Variants in GRIA1 observed in about 807,000 individuals in gnomAD.
GRIA1 encodes the protein glutamate ionotropic receptor AMPA type subunit 1.
GRIA1 carries 31 observed loss-of-function variants against 99.2 expected under a neutral mutation model. That is an observed-to-expected ratio of 0.31 (90% CI 0.23 to 0.42). The LOEUF (loss-of-function observed/expected upper bound fraction) is 0.42. Among genes scored for constraint, GRIA1 ranks in the 10% least tolerant of loss-of-function variants. The pLI is 1.00. For missense variants in GRIA1, 782 were observed against 1,157.5 expected (o/e 0.68, Z 4.71); for synonymous variants, 438 against 432.4 (o/e 1.01, Z -0.16).
rs185547161 is a variant in GRIA1, at chr5:153,491,847, A to G, written c.82+877A>G. Among the ~76,000 whole-genome samples, 12 of 152,132 alleles carry G rather than the reference A, an allele frequency of 7.9e-5. No individual in the cohort carries two copies. In the East Asian group the frequency reaches 2.3e-3, roughly 29 times the overall value. ...CCCATTTCCCCTTCTTAGTTGTTAC[A>G]CTTCTCAAAGGCCCCGCCACCCTCC... On this transcript the variant is annotated intron_variant, in intron 1 of 15. Coordinates refer to ENST00000285900, the MANE Select transcript of GRIA1 (RefSeq NM_000827.4).
chr5:153,644,706 G>C (rs1754011466), intron 2 of GRIA1, among the ~76,000 whole-genome samples: 1 of 152,014 alleles, frequency 6.6e-6, no homozygotes, highest in South Asian at 2.1e-4. Flanking sequence ...CTATTTAGAA[G>C]AGGTGATGAA....
chr5:153,790,554 C>T (rs1186583127), intron 13 of GRIA1, among the ~76,000 whole-genome samples: 1 of 152,100 alleles, frequency 6.6e-6, no homozygotes, highest in Non-Finnish European at 1.5e-5. Flanking sequence ...ACTGCTTGCC[C>T]AAGACAAAGT....
At chr5:153,757,275 G>A (rs1762892495) in intron 11 of GRIA1, among the ~76,000 whole-genome samples, 1 of 152,036 alleles carries the variant, frequency 6.6e-6, no homozygotes, top group African/African-American at 2.4e-5. Flanking sequence ...GAATGAAATA[G>A]AACAAAGAAA....
chr5:153,491,449 GAGA>G (rs1477174236), intron 1 of GRIA1: 2 of 320,844 alleles, frequency 6.2e-6, no homozygotes, highest in African/African-American at 2.3e-5. Context: ...AGAGACCCTC[GAGA>G]AGAAGGAGTG....
At chr5:153,573,246 G>A (rs941330847) in intron 2 of GRIA1, 1 of 152,182 alleles carries the variant, frequency 6.6e-6, no homozygotes, top group Non-Finnish European at 1.5e-5. Flanking sequence ...TGTTGGGCTA[G>A]GGGCCTGCCT....
intron 5 of GRIA1, among the ~76,000 whole-genome samples, chr5:153,666,449 C>T (rs907238246): frequency 1.3e-5 from 2 of 152,156 alleles, no homozygotes; most frequent in African/African-American, 4.8e-5. Context: ...CTCATGGAAG[C>T]CTGATACTTC....
intron 15 of GRIA1, among the ~76,000 whole-genome samples, chr5:153,805,048 G>A (rs115323665): frequency 5.9e-5 from 9 of 152,266 alleles, no homozygotes; most frequent in East Asian, 1.9e-4. Flanking sequence ...CACCACACCA[G>A]GCCTCTGATC....
chr5:153,589,050 C>T (rs535722120), intron 2 of GRIA1, among the ~76,000 whole-genome samples: 9 of 151,946 alleles, frequency 5.9e-5, no homozygotes, highest in East Asian at 1.9e-4. Flanking sequence ...AAAAGAGAAA[C>T]GAATCAAAAT....
intron 11 of GRIA1, among the ~76,000 whole-genome samples, chr5:153,723,169 T>C (rs11959680): frequency 6.6e-6 from 1 of 152,220 alleles, no homozygotes; most frequent in East Asian, 1.9e-4. Context: ...CAAAACATGG[T>C]TGCTTTTATT....
In GRIA1 at chr5:153,694,356, G is replaced by T. The variant is rs149842450; in HGVS notation, c.1135-3688G>T. Among the ~76,000 whole-genome samples, 1,138 of 152,124 alleles carry T rather than the reference G, an allele frequency of 7.5e-3. 20 individuals carry two copies. The highest frequency in any genetic ancestry group is 0.026 in the African/African-American group (1,079 of 41,496). ...CCCTGAACATTCTATACATAAAGAA[G>T]GGTTATATTGTCAAGTGAATTTCAA... On this transcript the variant is annotated intron_variant, in intron 8 of 15. Transcript: ENST00000285900.
At chr5:153,657,930 A>C (rs982436518) in intron 5 of GRIA1, among the ~76,000 whole-genome samples, 1 of 152,170 alleles carries the variant, frequency 6.6e-6, no homozygotes, top group Non-Finnish European at 1.5e-5. Context: ...CAAAAATGGA[A>C]TTTTTGACTT....
chr5:153,712,666 T>C (rs941588773), intron 11 of GRIA1, among the ~76,000 whole-genome samples: 6 of 145,710 alleles, frequency 4.1e-5, no homozygotes, highest in African/African-American at 1.3e-4. Flanking sequence ...AGCCTGAAAT[T>C]GTCAAACATT....
At position 153,677,167 on chromosome 5, in the gene GRIA1, A is replaced by C; in HGVS notation, c.1029+6A>C. The C allele has an allele frequency of 6.9e-7, 1 of 1,453,478 alleles. No homozygotes were observed. The highest frequency in any genetic ancestry group is 9.2e-7 in the Non-Finnish European group (1 of 1,088,980). 90.0% of individuals were successfully genotyped at this position (1,453,478 alleles called of 1,614,324 possible). Reference sequence around the variant, plus strand: ...TCCAGAGAGCTCTGCAGCAGGTAAGACCACCAATGTTTGCCCCATCTCATA... The same window carrying C: ...TCCAGAGAGCTCTGCAGCAGGTAAGCCCACCAATGTTTGCCCCATCTCATA... On this transcript the variant is annotated splice_donor_region_variant and intron_variant, in intron 7 of 15. Transcript: ENST00000285900.
In GRIA1 at chr5:153,733,908, G is replaced by A. The variant is rs573781856; in HGVS notation, c.1823+27841G>A. Among the ~76,000 whole-genome samples the A allele has an allele frequency of 2.6e-5, 4 of 152,202 alleles. No individual in the cohort carries two copies. The East Asian group carries it at 5.8e-4, about 22-fold the overall frequency. ...AGGAAGAAATAGCAATATAACAATA[G>A]CAGAGAACTTCAAGACCCCACTTTC... On this transcript the variant is annotated intron_variant, in intron 11 of 15. Coordinates refer to ENST00000285900, the MANE Select transcript of GRIA1 (RefSeq NM_000827.4).
chr5:153,770,468 G>C (rs941692773), intron 13 of GRIA1, 53 bp downstream of exon 13: 24 of 1,552,100 alleles, frequency 1.5e-5, no homozygotes, highest in Non-Finnish European at 2.0e-5. Context: ...CCCTATCTCA[G>C]GAATGAAGCT....
chr5:153,549,562 A>G (rs1759937764), intron 2 of GRIA1, among the ~76,000 whole-genome samples: 1 of 152,180 alleles, frequency 6.6e-6, no homozygotes, highest in Admixed American at 6.5e-5. Context: ...TGAGATCAGA[A>G]AGTAAAATTC....
intron 2 of GRIA1, among the ~76,000 whole-genome samples, chr5:153,510,704 C>T (rs1755984492): frequency 1.3e-5 from 2 of 152,074 alleles, no homozygotes; most frequent in South Asian, 4.2e-4. Flanking sequence ...TGTTGATATT[C>T]CAAAGGTCTT....
intron 11 of GRIA1, among the ~76,000 whole-genome samples, chr5:153,710,703 C>T (rs1391069856): frequency 2.0e-5 from 3 of 152,148 alleles, no homozygotes; most frequent in Non-Finnish European, 2.9e-5. Flanking sequence ...CTACGACATG[C>T]AGGGTATGGT....
At chr5:153,619,557 A>G (rs1048893599) in intron 2 of GRIA1, among the ~76,000 whole-genome samples, 4 of 152,136 alleles carry the variant, frequency 2.6e-5, no homozygotes, top group Non-Finnish European at 4.4e-5. Context: ...TATCCACATA[A>G]TGGAAGGCAT....
Sources: allele counts gnomAD v4.1 joint callset (sites outside exome capture counted in the v4.1 genomes callset), GRCh38; gene constraint gnomAD v4.1.1; transcripts MANE v1.5; gene names NCBI Gene and HGNC (gene_info 2026-07-23, HGNC 2026-07-21).